DOCK5: variants seen among roughly 807,000 people sequenced by gnomAD.
The protein encoded by DOCK5 is dedicator of cytokinesis 5.
DOCK5 carries 142 observed loss-of-function variants against 251.8 expected under a neutral mutation model. The ratio of observed to expected loss-of-function variants is 0.56; its 90% CI spans 0.49 to 0.65. The LOEUF (loss-of-function observed/expected upper bound fraction) is 0.65. DOCK5 is among the 30% of genes least tolerant of loss of function. DOCK5 has a pLI of 0.00. For synonymous variants in DOCK5, 842 were observed against 835.5 expected (o/e 1.01, Z -0.13); for missense variants, 2,111 against 2,312.3 (o/e 0.91, Z 1.79).
intron 1 of DOCK5, among the ~76,000 whole-genome samples, chr8:25,200,797 G>C (rs1335081996): frequency 1.3e-5 from 2 of 152,326 alleles, no homozygotes; most frequent in Non-Finnish European, 2.9e-5. Context: ...AAACATGCCT[G>C]TGCTGGTCTC....
intron 1 of DOCK5, among the ~76,000 whole-genome samples, chr8:25,229,087 T>C (rs1379381146): frequency 2.0e-5 from 3 of 147,606 alleles, no homozygotes; most frequent in African/African-American, 7.6e-5. Flanking sequence ...AAAAAAAAAA[T>C]TGTGATGCAA....
intron 27 of DOCK5, among the ~76,000 whole-genome samples, chr8:25,352,846 G>A: frequency 6.6e-6 from 1 of 152,064 alleles, no homozygotes; most frequent in East Asian, 1.9e-4. Context: ...AAATGAGCAG[G>A]ATAAGGGAAG....
intron 26 of DOCK5, among the ~76,000 whole-genome samples, chr8:25,350,023 CA>C (rs1392657588): frequency 6.6e-6 from 1 of 152,042 alleles, no homozygotes; most frequent in Non-Finnish European, 1.5e-5. Context: ...CATTCTTTAC[CA>C]GGGGCAGGAT....
intron 42 of DOCK5, among the ~76,000 whole-genome samples, chr8:25,390,958 G>A (rs1311141983): frequency 2.0e-5 from 3 of 151,926 alleles, no homozygotes; most frequent in Admixed American, 6.6e-5. Flanking sequence ...ACAGGTACAC[G>A]CCGCCACACC....
intron 20 of DOCK5, 98 bp downstream of exon 20, chr8:25,332,790 A>C: frequency 1.1e-6 from 1 of 903,054 alleles, no homozygotes; most frequent in Non-Finnish European, 1.6e-6. Context: ...CTTCTCACAT[A>C]AATATTTGTT....
At chr8:25,364,477 G>A (rs973191090) in intron 29 of DOCK5, 149 bp from the exon 30 acceptor site, 7 of 604,104 alleles carry the variant, frequency 1.2e-5, no homozygotes, top group Non-Finnish European at 2.1e-5. Flanking sequence ...TGCGGATGGT[G>A]TTATGCTGTT....
intron 1 of DOCK5, among the ~76,000 whole-genome samples, chr8:25,187,279 G>A (rs1279238919): frequency 2.8e-5 from 4 of 143,684 alleles, no homozygotes; most frequent in African/African-American, 1.1e-4. Context: ...ACACATATAT[G>A]TATATATGTA....
At chr8:25,256,114 G>A (rs1803414303) in intron 2 of DOCK5, among the ~76,000 whole-genome samples, 1 of 152,208 alleles carries the variant, frequency 6.6e-6, no homozygotes, top group African/African-American at 2.4e-5. Context: ...AAAGTTTCTA[G>A]TTACAGAAAG....
At chr8:25,368,354 TTGTC>T in intron 32 of DOCK5, 104 bp downstream of exon 32, 2 of 1,210,472 alleles carry the variant, frequency 1.7e-6, no homozygotes, top group Non-Finnish European at 2.3e-6. Context: ...TGAGATGTAT[TTGTC>T]TGTGTGTCTG....
intron 1 of DOCK5, among the ~76,000 whole-genome samples, chr8:25,225,841 G>T (rs149224532): frequency 2.0e-5 from 3 of 152,310 alleles, no homozygotes; most frequent in African/African-American, 7.2e-5. Flanking sequence ...AGAGTAGTCA[G>T]AGTTAAAGGG....
At position 25,210,096 on chromosome 8, in the gene DOCK5, C is replaced by T. The variant is rs1456702232; in HGVS notation, c.43+25145C>T. Reference sequence around the variant, plus strand: ...TCTGTCTATTTATCTATCTATCTATCTATCTATCTATCTATCTATCTATCT... The same window carrying T: ...TCTGTCTATTTATCTATCTATCTATTTATCTATCTATCTATCTATCTATCT... On this transcript the variant is annotated intron_variant, in intron 1 of 51. Coordinates refer to ENST00000276440, the MANE Select transcript of DOCK5 (RefSeq NM_024940.8). 2.7e-4 allele frequency among the ~76,000 whole-genome samples: 11 copies of T among 41,098 alleles called. 3 individuals are homozygous for T. The highest frequency in any genetic ancestry group is 5.7e-4 in the Admixed American group (2 of 3,504). The allele number at this position is 41,098 out of a possible 152,430, so 27.0% of individuals were successfully genotyped here.
chr8:25,391,266 G>A (rs1423803259), intron 42 of DOCK5, among the ~76,000 whole-genome samples: 1 of 150,570 alleles, frequency 6.6e-6, no homozygotes, highest in East Asian at 2.0e-4. Flanking sequence ...GGATCTTGCT[G>A]TGCTGCCCAG....
chr8:25,391,562 C>T (rs556663398), intron 42 of DOCK5, among the ~76,000 whole-genome samples: 1 of 152,144 alleles, frequency 6.6e-6, no homozygotes, highest in East Asian at 1.9e-4. Context: ...CACTTGAACT[C>T]AGAAAGTGCA....
intron 1 of DOCK5, among the ~76,000 whole-genome samples, chr8:25,206,657 T>C (rs1802009474): frequency 6.6e-6 from 1 of 152,180 alleles, no homozygotes; most frequent in African/African-American, 2.4e-5. Context: ...CTAAGATTCC[T>C]GTGGCCATCA....
intron 2 of DOCK5, among the ~76,000 whole-genome samples, chr8:25,250,034 G>T (rs191080200): frequency 3.2e-4 from 49 of 152,328 alleles, no homozygotes; most frequent in African/African-American, 1.2e-3. Flanking sequence ...AAACATTTGC[G>T]TGCAAGTTTT....
chr8:25,376,397 G>A (rs533096955), intron 37 of DOCK5: 2 of 983,200 alleles, frequency 2.0e-6, no homozygotes, highest in South Asian at 4.7e-5. Flanking sequence ...TCTTATTTTG[G>A]GGGGAGGGAA....
intron 51 of DOCK5, among the ~76,000 whole-genome samples, 197 bp from the exon 52 acceptor site, chr8:25,410,990 CGCACGCA>C: frequency 2.6e-4 from 1 of 3,872 alleles, no homozygotes; most frequent in South Asian, 0.031. Context: ...CGCGCACGCA[CGCACGCA>C]CGCACGCGTG....
chr8:25,186,932 GCT>G (rs1801443531), intron 1 of DOCK5, among the ~76,000 whole-genome samples: 4 of 151,958 alleles, frequency 2.6e-5, no homozygotes, highest in African/African-American at 9.7e-5. Context: ...AGGTGCGATG[GCT>G]CACGTCTGTA....
At chr8:25,408,493 A>AAAGTTGTT (rs1563234798) in intron 49 of DOCK5, among the ~76,000 whole-genome samples, 5 of 152,148 alleles carry the variant, frequency 3.3e-5, no homozygotes, top group Admixed American at 6.5e-5. Context: ...TTTTCCTTCC[A>AAAGTTGTT]TATCAAGTTG....
Sources: gnomAD v4.1 joint callset for allele counts (sites outside exome capture counted in the v4.1 genomes callset) on GRCh38, gnomAD v4.1.1 for gene constraint, MANE v1.5 for transcripts, NCBI Gene and HGNC (gene_info 2026-07-23, HGNC 2026-07-21) for gene names.